AGMO: variants seen among roughly 807,000 people sequenced by gnomAD.
The protein encoded by AGMO is alkylglycerol monooxygenase.
In AGMO, 75 loss-of-function variants were observed where a neutral mutation model predicts 60.2. The observed-to-expected ratio is 1.25, with a 90% CI of 1.03 to 1.51. The LOEUF (loss-of-function observed/expected upper bound fraction) is 1.51, where lower values mean the gene tolerates loss of function less well. AGMO is among the 40% of genes most tolerant of loss of function. AGMO has a pLI of 0.00. For synonymous variants in AGMO, 261 were observed against 177.1 expected, an observed-to-expected ratio of 1.47 and a Z score of -3.76; for missense variants, 763 against 525.5, an observed-to-expected ratio of 1.45 and a Z score of -4.42.
intron 12 of AGMO, among the ~76,000 whole-genome samples, chr7:15,278,848 T>C (rs10258070): frequency 0.44 from 66,626 of 151,890 alleles, 18,342 homozygotes; most frequent in African/African-American, 0.79. Flanking sequence ...AGGCTGCAGC[T>C]ATAGTACTCA....
chr7:15,474,531 T>C (rs1483159392), intron 3 of AGMO, among the ~76,000 whole-genome samples: 1 of 152,090 alleles, frequency 6.6e-6, no homozygotes, highest in Non-Finnish European at 1.5e-5. Context: ...CCTTAAACTT[T>C]ATACAAAAAT....
At chr7:15,473,484 A>G (rs550604787) in intron 3 of AGMO, among the ~76,000 whole-genome samples, 21 of 151,870 alleles carry the variant, frequency 1.4e-4, no homozygotes, top group East Asian at 3.9e-4. Flanking sequence ...CTGAACATCA[A>G]TGTGAATATC....
chr7:15,192,607 G>T, the AGMO span, among the ~76,000 whole-genome samples: 4 of 152,224 alleles, frequency 2.6e-5, no homozygotes, highest in South Asian at 8.3e-4. Context: ...TACCAAGAGC[G>T]CAGGGTGTAA....
At chr7:15,418,225 C>A (rs957829783) in intron 5 of AGMO, among the ~76,000 whole-genome samples, 4 of 151,614 alleles carry the variant, frequency 2.6e-5, no homozygotes, top group Non-Finnish European at 5.9e-5. Flanking sequence ...ATGTTTATAT[C>A]TCTGAATTGA....
Position 15,262,692 on chromosome 7 carries a change from C to CACT in AGMO, c.1264-61336_1264-61334dup, listed in dbSNP as rs564217623. On this transcript the variant is annotated intron_variant, in intron 12 of 12. Coordinates refer to ENST00000342526, the MANE Select transcript of AGMO (RefSeq NM_001004320.2). Reference sequence around the variant, plus strand: ...GCAAAAAGAACAAATCTGGAGGCATCACTTTACCTGATGTTATACTATAAG... The same window carrying CACT: ...GCAAAAAGAACAAATCTGGAGGCATCACTACTTTACCTGATGTTATACTATAAG... Among the ~76,000 whole-genome samples, 14 of 152,046 alleles carry CACT rather than the reference C, an allele frequency of 9.2e-5. No individual in the cohort carries two copies. The South Asian group carries it at 2.9e-3, about 31-fold the overall frequency.
the AGMO span, among the ~76,000 whole-genome samples, chr7:15,122,783 C>T: frequency 6.6e-6 from 1 of 152,070 alleles, no homozygotes; most frequent in Admixed American, 6.6e-5. Flanking sequence ...TGGTATAAGC[C>T]ACTACCATGT....
intron 12 of AGMO, among the ~76,000 whole-genome samples, chr7:15,242,965 A>C (rs750214741): frequency 2.8e-4 from 42 of 152,238 alleles, no homozygotes; most frequent in Non-Finnish European, 7.4e-5. Flanking sequence ...AAGTCAAAAA[A>C]TAAGCATTAT....
At chr7:15,521,531 G>A (rs1395202632) in intron 3 of AGMO, among the ~76,000 whole-genome samples, 2 of 152,152 alleles carry the variant, frequency 1.3e-5, no homozygotes, top group Non-Finnish European at 1.5e-5. Flanking sequence ...TGAGATGCAA[G>A]GCTGGTTCAA....
At chr7:15,257,142 C>G (rs187119765) in intron 12 of AGMO, among the ~76,000 whole-genome samples, 1 of 151,994 alleles carries the variant, frequency 6.6e-6, no homozygotes, top group South Asian at 2.1e-4. Context: ...AAGTTTCAAG[C>G]AACATGGATA....
intron 5 of AGMO, among the ~76,000 whole-genome samples, chr7:15,402,024 A>G (rs1224498883): frequency 6.6e-6 from 1 of 150,382 alleles, no homozygotes; most frequent in Non-Finnish European, 1.5e-5. Context: ...TGCCACCAGT[A>G]TTGAAGGGAA....
chr7:15,545,485 C>T (rs1175451978), intron 2 of AGMO, among the ~76,000 whole-genome samples: 2 of 151,878 alleles, frequency 1.3e-5, no homozygotes, highest in African/African-American at 4.8e-5. Context: ...TTCTCTTTCA[C>T]ACACACACAT....
chr7:15,251,924 G>C (rs866066786), intron 12 of AGMO, among the ~76,000 whole-genome samples: 4 of 152,288 alleles, frequency 2.6e-5, no homozygotes, highest in Middle Eastern at 6.8e-3. Context: ...ATTCAGATAA[G>C]CCCAAAATAT....
chr7:15,397,850 A>C (rs901614009), intron 5 of AGMO, among the ~76,000 whole-genome samples: 8 of 152,236 alleles, frequency 5.3e-5, no homozygotes, highest in African/African-American at 1.7e-4. Context: ...AGTAAAGCAC[A>C]CACTGTTAAT....
chr7:15,401,740 A>G lies in AGMO; in HGVS notation c.610-7561T>C, dbSNP rs528627162. Among the ~76,000 whole-genome samples, 9 of 152,286 alleles carry G rather than the reference A, an allele frequency of 5.9e-5. No homozygotes were observed. The South Asian group carries it at 1.9e-3, about 32-fold the overall frequency. On this transcript the variant is annotated intron_variant, in intron 5 of 12. Coordinates refer to ENST00000342526, the MANE Select transcript of AGMO (RefSeq NM_001004320.2). ...ATTTATGATTCTTGTCTGAGAGGGAAAAATCATAATAGGGAAAATATATCC... is the reference window on the plus strand; with the variant it reads ...ATTTATGATTCTTGTCTGAGAGGGAGAAATCATAATAGGGAAAATATATCC...
chr7:15,327,733 TTTC>T (rs1345216984), intron 12 of AGMO, among the ~76,000 whole-genome samples: 30 of 122,396 alleles, frequency 2.5e-4, no homozygotes, highest in African/African-American at 9.4e-4. Context: ...GATAAACTGA[TTTC>T]TTTCTTTTTT....
intron 3 of AGMO, among the ~76,000 whole-genome samples, chr7:15,530,504 TATTTCTATATATATATTCTATATAC>T (rs1156729265): frequency 1.0e-4 from 5 of 48,644 alleles, no homozygotes; most frequent in Non-Finnish European, 1.2e-4. Context: ...TCTATATACG[TATTTCTATATATATATTCTATATAC>T]GTATTTCTAT....
intron 12 of AGMO, among the ~76,000 whole-genome samples, chr7:15,344,572 C>G (rs998811878): frequency 6.6e-6 from 1 of 151,754 alleles, no homozygotes; most frequent in Non-Finnish European, 1.5e-5. Context: ...CTGGTGCACG[C>G]CTGTGGTCCC....
intron 12 of AGMO, among the ~76,000 whole-genome samples, chr7:15,322,731 T>TAA (rs1185080282): frequency 1.6e-5 from 2 of 126,868 alleles, no homozygotes; most frequent in African/African-American, 6.0e-5. Flanking sequence ...TAAATATATA[T>TAA]ATAAATATAT....
the AGMO span, among the ~76,000 whole-genome samples, chr7:15,170,410 T>C: frequency 1.1e-4 from 17 of 152,164 alleles, no homozygotes; most frequent in East Asian, 1.7e-3. Context: ...CATAGAAAAA[T>C]ATAGATAAAC....
Sources: allele counts gnomAD v4.1 joint callset (sites outside exome capture counted in the v4.1 genomes callset), GRCh38; gene constraint gnomAD v4.1.1; transcripts MANE v1.5; gene names NCBI Gene and HGNC (gene_info 2026-07-23, HGNC 2026-07-21).